Variants in COMMD1 observed in about 807,000 individuals in gnomAD.
COMMD1 encodes the protein COMM domain-containing protein 1.
A neutral mutation model predicts 17.2 loss-of-function variants in COMMD1; 10 were observed. That is an observed-to-expected ratio of 0.58 (90% CI 0.36 to 0.99). The LOEUF (loss-of-function observed/expected upper bound fraction) is 0.99. Ranked by LOEUF, COMMD1 falls within the 50% of genes least tolerant of loss-of-function variation. COMMD1 has a pLI of 0.01. For missense variants in COMMD1, 270 were observed against 231.8 expected (o/e 1.17, Z -1.07); for synonymous variants, 97 against 91.6 (o/e 1.06, Z -0.34).
chr2:61,979,904 C>T (rs1387845640), intron 1 of COMMD1, among the ~76,000 whole-genome samples: 5 of 115,182 alleles, frequency 4.3e-5, no homozygotes, highest in African/African-American at 6.8e-5. Flanking sequence ...CCCCCTCCCC[C>T]GACCCCACCA....
At chr2:61,918,999 AT>A (rs1255714335) in intron 1 of COMMD1, among the ~76,000 whole-genome samples, 8 of 151,990 alleles carry the variant, frequency 5.3e-5, no homozygotes, top group Non-Finnish European at 1.5e-5. Context: ...CCTGTGCTTT[AT>A]TTGTAAGATT....
At chr2:61,921,085 C>G (rs146838368) in intron 1 of COMMD1, among the ~76,000 whole-genome samples, 1,810 of 150,866 alleles carry the variant, frequency 0.012, 40 homozygotes, top group African/African-American at 0.042. Flanking sequence ...TCAAATGATT[C>G]TCCTGCCTCA....
chr2:61,963,190 T>TACACAC (rs375894719), intron 1 of COMMD1, among the ~76,000 whole-genome samples: 21 of 136,372 alleles, frequency 1.5e-4, no homozygotes, highest in Non-Finnish European at 2.5e-4. Flanking sequence ...ATATATTATA[T>TACACAC]ACACACACAC....
chr2:61,989,541 C>T (rs998156508), intron 1 of COMMD1, among the ~76,000 whole-genome samples: 1 of 151,570 alleles, frequency 6.6e-6, no homozygotes, highest in Non-Finnish European at 1.5e-5. Context: ...GGGCTCACTG[C>T]AACCTCCACC....
At chr2:61,917,688 C>T (rs968516800) in intron 1 of COMMD1, among the ~76,000 whole-genome samples, 2 of 152,044 alleles carry the variant, frequency 1.3e-5, no homozygotes, top group Non-Finnish European at 2.9e-5. Context: ...CCATCACGCC[C>T]GGCTAATTTT....
chr2:62,119,543 C>G (rs1354394965), intron 2 of COMMD1, among the ~76,000 whole-genome samples: 1 of 152,176 alleles, frequency 6.6e-6, no homozygotes, highest in Non-Finnish European at 1.5e-5. Context: ...TCCTCTTATC[C>G]TTGGTCATTT....
At chr2:62,104,691 A>G (rs1384390168) in intron 2 of COMMD1, among the ~76,000 whole-genome samples, 1 of 151,558 alleles carries the variant, frequency 6.6e-6, no homozygotes, top group Non-Finnish European at 1.5e-5. Flanking sequence ...ACTTTGTTCC[A>G]TTCTTATGTT....
intron 2 of COMMD1, among the ~76,000 whole-genome samples, chr2:62,130,892 C>G (rs1673012040): frequency 6.6e-6 from 1 of 152,166 alleles, no homozygotes; most frequent in Non-Finnish European, 1.5e-5. Flanking sequence ...ATTCTGTAAA[C>G]TAATAATCAA....
At chr2:62,035,046 A>G (rs899206080) in intron 2 of COMMD1, among the ~76,000 whole-genome samples, 1 of 152,228 alleles carries the variant, frequency 6.6e-6, no homozygotes, top group African/African-American at 2.4e-5. Context: ...AGTTTGGGAT[A>G]TGATTTCAGT....
intron 2 of COMMD1, among the ~76,000 whole-genome samples, chr2:62,011,034 G>T (rs1669263895): frequency 6.6e-6 from 1 of 152,056 alleles, no homozygotes. Flanking sequence ...AACATTCCAG[G>T]GATCTTCAGG....
intron 2 of COMMD1, among the ~76,000 whole-genome samples, chr2:62,055,977 T>C (rs915023113): frequency 2.0e-5 from 3 of 152,248 alleles, no homozygotes; most frequent in Non-Finnish European, 4.4e-5. Flanking sequence ...GGATGTGTTA[T>C]GTGCACTTTT....
intron 1 of COMMD1, among the ~76,000 whole-genome samples, chr2:61,897,758 AT>A (rs1451804321): frequency 1.3e-5 from 2 of 151,866 alleles, no homozygotes; most frequent in Non-Finnish European, 2.9e-5. Flanking sequence ...TTTAAAAAAA[AT>A]ATATATATAT....
At chr2:62,124,052 C>T (rs1262044357) in intron 2 of COMMD1, among the ~76,000 whole-genome samples, 1 of 152,196 alleles carries the variant, frequency 6.6e-6, no homozygotes, top group Non-Finnish European at 1.5e-5. Context: ...GTAATCCCAG[C>T]ACTTTGGGAG....
intron 1 of COMMD1, among the ~76,000 whole-genome samples, chr2:61,966,963 GAGC>G (rs1671521791): frequency 6.6e-6 from 1 of 151,942 alleles, no homozygotes; most frequent in Non-Finnish European, 1.5e-5. Flanking sequence ...CTTCCATGAA[GAGC>G]AGTAACATTT....
intron 2 of COMMD1, among the ~76,000 whole-genome samples, chr2:62,047,384 G>T (rs887797470): frequency 6.6e-6 from 1 of 152,044 alleles, no homozygotes; most frequent in African/African-American, 2.4e-5. Flanking sequence ...TCACGTTCAC[G>T]GACCACTGAC....
At chr2:62,042,777 G>A (rs897600355) in intron 2 of COMMD1, among the ~76,000 whole-genome samples, 1 of 152,172 alleles carries the variant, frequency 6.6e-6, no homozygotes, top group African/African-American at 2.4e-5. Context: ...ACAAGCATAA[G>A]CCACCACACA....
At chr2:62,004,966 A>G (rs769971077) in intron 2 of COMMD1, among the ~76,000 whole-genome samples, 11 of 152,172 alleles carry the variant, frequency 7.2e-5, no homozygotes, top group East Asian at 1.9e-4. Context: ...GTTTATGTCT[A>G]TCTGTGTACC....
intron 1 of COMMD1, among the ~76,000 whole-genome samples, chr2:61,968,540 T>G (rs1354090477): frequency 2.0e-5 from 3 of 151,912 alleles, no homozygotes; most frequent in African/African-American, 4.8e-5. Context: ...CTACTTAGAG[T>G]TTTGGACCAT....
At chr2:62,062,678 TAAA>T (rs957080837) in intron 2 of COMMD1, among the ~76,000 whole-genome samples, 30 of 149,772 alleles carry the variant, frequency 2.0e-4, no homozygotes, top group South Asian at 4.2e-4. Context: ...AGTAAGAAAA[TAAA>T]AAAAAAATCT....
Sources: gnomAD v4.1 joint callset for allele counts (sites outside exome capture counted in the v4.1 genomes callset) on GRCh38, gnomAD v4.1.1 for gene constraint, MANE v1.5 for transcripts, NCBI Gene and HGNC (gene_info 2026-07-23, HGNC 2026-07-21) for gene names.